Variants in GABRG3 observed in about 807,000 individuals in gnomAD.
GABRG3 encodes the protein gamma-aminobutyric acid type A receptor subunit gamma3, also known as gamma-aminobutyric acid receptor subunit gamma-3.
In GABRG3, 25 loss-of-function variants were observed where a neutral mutation model predicts 48.8. The observed-to-expected ratio is 0.51, with a 90% CI of 0.37 to 0.72. The LOEUF is 0.72. Ranked by LOEUF, GABRG3 falls within the 30% of genes least tolerant of loss-of-function variation. GABRG3 has a pLI of 0.00. For synonymous variants in GABRG3, 227 were observed against 217.6 expected (o/e 1.04, Z -0.38); for missense variants, 394 against 577.9 (o/e 0.68, Z 3.26).
In GABRG3 at chr15:27,372,461, T is replaced by A. The variant is rs149585223; in HGVS notation, c.574+43573T>A. On this transcript the variant is annotated intron_variant, in intron 5 of 9. Transcript: ENST00000615808. ...AGGCTGGAATGCAGTGGAGCAGTCA[T>A]AGCTTACTGCAGTCTCAAACTCCTG... 7.8e-3 allele frequency among the ~76,000 whole-genome samples: 1,190 copies of A among 152,316 alleles called. 14 individuals carry two copies. Among genetic ancestry groups the A allele is most frequent in the African/African-American group, 0.027 (1,106 of 41,568 alleles).
chr15:27,015,445 C>T lies in GABRG3; in HGVS notation c.203-11309C>T, dbSNP rs577982517. ...TGTCACCCAGGCTGGAGTGCAGTGGCGCAATCTCGGCTCACTGCAAGCTCC... is the reference window on the plus strand; with the variant it reads ...TGTCACCCAGGCTGGAGTGCAGTGGTGCAATCTCGGCTCACTGCAAGCTCC... On this transcript the variant is annotated intron_variant, in intron 2 of 9. Coordinates refer to ENST00000615808, the MANE Select transcript of GABRG3 (RefSeq NM_033223.5). Among the ~76,000 whole-genome samples the T allele has an allele frequency of 1.3e-3, 181 of 144,660 alleles. 3 individuals carry two copies. The highest frequency in any genetic ancestry group is 4.5e-3 in the African/African-American group (174 of 38,818). The allele number at this position is 144,660 out of a possible 152,430, so 94.9% of individuals were successfully genotyped here. A position where few individuals can be genotyped will look rare whatever the true frequency, so the allele number is the denominator to read the frequency against.
intron 3 of GABRG3, among the ~76,000 whole-genome samples, chr15:27,041,942 A>G (rs768804056): frequency 1.3e-5 from 2 of 152,174 alleles, no homozygotes; most frequent in Non-Finnish European, 2.9e-5. Flanking sequence ...AGAGGTCTTC[A>G]TGCAGATGAA....
At chr15:27,285,466 AT>A in intron 3 of GABRG3, among the ~76,000 whole-genome samples, 1 of 152,142 alleles carries the variant, frequency 6.6e-6, no homozygotes, top group Admixed American at 6.5e-5. Flanking sequence ...CCCCACAAAA[AT>A]TTTGTCAGAA....
chr15:27,044,236 C>G (rs892323626), intron 3 of GABRG3, among the ~76,000 whole-genome samples: 2 of 152,116 alleles, frequency 1.3e-5, no homozygotes, highest in African/African-American at 4.8e-5. Flanking sequence ...GGGAGATATT[C>G]AGGAGTTGTT....
At chr15:27,169,826 A>G (rs1887504799) in intron 3 of GABRG3, among the ~76,000 whole-genome samples, 1 of 152,164 alleles carries the variant, frequency 6.6e-6, no homozygotes, top group South Asian at 2.1e-4. Context: ...GAAGAAAGAC[A>G]TTACACAGAG....
At chr15:26,983,126 T>C (rs1895083778) in intron 2 of GABRG3, among the ~76,000 whole-genome samples, 2 of 151,178 alleles carry the variant, frequency 1.3e-5, no homozygotes, top group African/African-American at 4.9e-5. Flanking sequence ...CCTATAAACA[T>C]CTGAATCCCT....
At chr15:27,530,636 G>C (rs1479655609) in intron 9 of GABRG3, 2 of 470,978 alleles carry the variant, frequency 4.2e-6, no homozygotes, top group Non-Finnish European at 4.4e-6. Context: ...TGCCCTGCCT[G>C]TGGCCTCCAA....
At chr15:27,199,377 A>T (rs1708486106) in intron 3 of GABRG3, among the ~76,000 whole-genome samples, 1 of 152,138 alleles carries the variant, frequency 6.6e-6, no homozygotes, top group African/African-American at 2.4e-5. Flanking sequence ...ATGGAGTATG[A>T]GCGAAAGAGA....
Position 27,348,394 on chromosome 15 carries a change from A to T in GABRG3, c.574+19506A>T, listed in dbSNP as rs141707535. Reference sequence around the variant, plus strand: ...AGTATCTAGCATTTATTGAGCACTTACTAGTCTGAGACAGTTTTAAGTGCT... The same window carrying T: ...AGTATCTAGCATTTATTGAGCACTTTCTAGTCTGAGACAGTTTTAAGTGCT... On this transcript the variant is annotated intron_variant, in intron 5 of 9. Coordinates refer to ENST00000615808, the MANE Select transcript of GABRG3 (RefSeq NM_033223.5). 6.2e-4 allele frequency among the ~76,000 whole-genome samples: 94 copies of T among 152,284 alleles called. 2 individuals carry two copies. The East Asian group carries it at 0.017, about 28-fold the overall frequency.
At chr15:27,519,046 G>A (rs1891095736) in intron 6 of GABRG3, among the ~76,000 whole-genome samples, 1 of 152,156 alleles carries the variant, frequency 6.6e-6, no homozygotes, top group Admixed American at 6.5e-5. Context: ...CTTTGAACAA[G>A]TGAGAGATGG....
chr15:27,136,580 C>T (rs530710788), intron 3 of GABRG3, among the ~76,000 whole-genome samples: 7 of 152,244 alleles, frequency 4.6e-5, no homozygotes, highest in African/African-American at 1.7e-4. Flanking sequence ...GAGACCATTT[C>T]TCCAGTGGAT....
intron 5 of GABRG3, among the ~76,000 whole-genome samples, chr15:27,472,316 C>T (rs893391008): frequency 5.9e-5 from 9 of 152,188 alleles, no homozygotes; most frequent in Admixed American, 3.3e-4. Context: ...CACTCTATTG[C>T]CCAGGCTGGA....
At chr15:27,328,771 G>T (rs1893704833) in intron 4 of GABRG3, 35 bp from the exon 5 acceptor site, 1 of 1,600,556 alleles carries the variant, frequency 6.2e-7, no homozygotes. Context: ...CCTGTGCTGT[G>T]TGCTGAGCTA....
In GABRG3 at chr15:27,532,746, A is replaced by C. The variant is rs765656189; in HGVS notation, c.1269A>C (p.Glu423Asp). 1 of 1,613,922 alleles carries C rather than the reference A, an allele frequency of 6.2e-7. No homozygotes were observed. Among genetic ancestry groups the C allele is most frequent in the East Asian group, 2.2e-5 (1 of 44,900 alleles). ...DCQSFFCCYE[E>D]CKSGSWRKGR... Reference sequence around the variant, plus strand: ...AGAGCTTCTTCTGCTGCTATGAAGAATGTAAATCAGGATCCTGGAGGAAAG... The same window carrying C: ...AGAGCTTCTTCTGCTGCTATGAAGACTGTAAATCAGGATCCTGGAGGAAAG... Residue 423 changes from glutamate (E) to aspartate (D), a missense_variant, in exon 10 of 10, where the codon GAA becomes GAC. Coordinates refer to ENST00000615808, the MANE Select transcript of GABRG3 (RefSeq NM_033223.5).
At chr15:27,344,708 T>C (rs1894306181) in intron 5 of GABRG3, among the ~76,000 whole-genome samples, 1 of 14,080 alleles carries the variant, frequency 7.1e-5, no homozygotes, top group Non-Finnish European at 1.4e-4. Context: ...TACCAATTGA[T>C]AAACCATTTT....
intron 3 of GABRG3, among the ~76,000 whole-genome samples, chr15:27,313,037 A>C (rs949688988): frequency 1.8e-4 from 27 of 148,496 alleles, no homozygotes; most frequent in South Asian, 4.3e-4. Context: ...GAAGGGTGGA[A>C]AAAAAAAACT....
chr15:27,435,507 T>G (rs1888584078), intron 5 of GABRG3, among the ~76,000 whole-genome samples: 1 of 152,198 alleles, frequency 6.6e-6, no homozygotes, highest in Non-Finnish European at 1.5e-5. Context: ...GCTTCTGGGC[T>G]TGCACATTCT....
At chr15:27,029,542 A>G (rs938363295) in intron 3 of GABRG3, among the ~76,000 whole-genome samples, 2 of 151,766 alleles carry the variant, frequency 1.3e-5, no homozygotes, top group African/African-American at 2.4e-5. Flanking sequence ...ATACAGGCGC[A>G]CACACACGCA....
At chr15:27,292,440 G>GA (rs909401895) in intron 3 of GABRG3, among the ~76,000 whole-genome samples, 45 of 149,004 alleles carry the variant, frequency 3.0e-4, no homozygotes, top group Non-Finnish European at 5.2e-4. Context: ...AAAAAAAAAT[G>GA]AAAAAAAAAT....
Sources: allele counts gnomAD v4.1 joint callset (sites outside exome capture counted in the v4.1 genomes callset), GRCh38; gene constraint gnomAD v4.1.1; transcripts MANE v1.5; gene names NCBI Gene and HGNC (gene_info 2026-07-23, HGNC 2026-07-21).